Variants in PAK5 observed in about 807,000 individuals in gnomAD.
PAK5 encodes the protein p21 (RAC1) activated kinase 5.
PAK5 carries 16 observed loss-of-function variants against 65.9 expected under a neutral mutation model. The ratio of observed to expected loss-of-function variants is 0.24; its 90% confidence interval spans 0.16 to 0.37. The LOEUF is 0.37. Among genes scored for constraint, PAK5 ranks in the 10% least tolerant of loss-of-function variants. The pLI is 1.00. For missense variants in PAK5, 785 were observed against 903.9 expected (o/e 0.87, Z 1.69); for synonymous variants, 371 against 354.9 (o/e 1.05, Z -0.51).
chr20:9,611,245 G>C (rs1291115845), intron 3 of PAK5, among the ~76,000 whole-genome samples: 1 of 152,178 alleles, frequency 6.6e-6, no homozygotes, highest in Non-Finnish European at 1.5e-5. Flanking sequence ...ATTTTAAGTG[G>C]AGGCAATTGA....
At chr20:9,601,399 C>A (rs1191848571) in intron 3 of PAK5, among the ~76,000 whole-genome samples, 1 of 152,054 alleles carries the variant, frequency 6.6e-6, no homozygotes, top group African/African-American at 2.4e-5. Context: ...CAAGAAAGTT[C>A]CCCTTTATTA....
rs563787747 is a variant in PAK5, at chr20:9,542,456, C to G, written c.2004+130G>C. On this transcript the variant is annotated intron_variant, in intron 9 of 9. Coordinates refer to ENST00000353224, the MANE Select transcript of PAK5 (RefSeq NM_177990.4). ...AGAACAGAGATTCAAACCTAAGTGA[C>G]TATTTCCAAAGTCCATGCTCATAAA... The G allele has an allele frequency of 4.2e-4, 386 of 912,388 alleles. 1 individual carries two copies. The highest frequency in any genetic ancestry group is 6.0e-4 in the Non-Finnish European group (334 of 557,746). The allele number at this position is 912,388 out of a possible 1,614,324, so 56.5% of individuals were successfully genotyped here.
chr20:9,547,044 T>G (rs1289048126), intron 7 of PAK5, among the ~76,000 whole-genome samples: 2 of 152,152 alleles, frequency 1.3e-5, no homozygotes, highest in Non-Finnish European at 2.9e-5. Context: ...GAGGTCATAT[T>G]GGATTGGGGA....
At position 9,593,210 on chromosome 20, in the gene PAK5, C is replaced by T. The variant is rs114783072; in HGVS notation, c.205-12280G>A. 8.7e-3 allele frequency among the ~76,000 whole-genome samples: 1,325 copies of T among 151,744 alleles called. 14 individuals carry two copies. Among genetic ancestry groups the T allele is most frequent in the African/African-American group, 0.029 (1,191 of 41,346 alleles). ...TCCCAGCTATTCAAGAGGCTGAGGT[C>T]GGAGGATCCCTTGAGCCCAGGAGTT... On this transcript the variant is annotated intron_variant, in intron 3 of 9. Transcript: ENST00000353224.
At chr20:9,692,850 T>C (rs2047815677) in intron 2 of PAK5, among the ~76,000 whole-genome samples, 1 of 152,122 alleles carries the variant, frequency 6.6e-6, no homozygotes, top group Non-Finnish European at 1.5e-5. Context: ...CCTGGATTTC[T>C]TCCATCTCCA....
In PAK5 at chr20:9,754,418, G is replaced by A. The variant is rs566544645; in HGVS notation, c.-161-42983C>T. Among the ~76,000 whole-genome samples the A allele has an allele frequency of 2.4e-3, 367 of 152,178 alleles. 2 individuals are homozygous for A. Among genetic ancestry groups the A allele is most frequent in the South Asian group, 0.012 (60 of 4,816 alleles). On this transcript the variant is annotated intron_variant, in intron 1 of 9. Transcript: ENST00000353224. ...CAGGGCATCAAAACTGTCCTCTTCT[G>A]TTGAGTCCATTCCTGGGTGGGGCCA...
chr20:9,757,983 G>A (rs1191453563), intron 1 of PAK5, among the ~76,000 whole-genome samples: 1 of 152,196 alleles, frequency 6.6e-6, no homozygotes, highest in Non-Finnish European at 1.5e-5. Flanking sequence ...AAATATGGAT[G>A]TTTGTTGCTC....
In PAK5 at chr20:9,557,662, TC is replaced by T; in HGVS notation, c.1688del (p.Gly563GlufsTer2). ...CACTTTTTATGTCCCTGTGAATCACTCCTTGGTTATGAAGGTAGGAGAGAGC... is the reference window on the plus strand; with the variant it reads ...CACTTTTTATGTCCCTGTGAATCACTCTTGGTTATGAAGGTAGGAGAGAGC... ...LRALSYLHNQ[G>X]VIHRDIKSDS... On this transcript the variant is annotated frameshift_variant, in exon 7 of 10. Transcript: ENST00000353224. LOFTEE classifies it high-confidence loss of function. 1 of 1,612,142 alleles carries T rather than the reference TC, an allele frequency of 6.2e-7. No homozygotes were observed.
intron 3 of PAK5, among the ~76,000 whole-genome samples, chr20:9,619,241 T>C (rs573809649): frequency 2.6e-4 from 39 of 152,282 alleles, no homozygotes; most frequent in African/African-American, 9.1e-4. Context: ...TTGTTTACTG[T>C]TGTTTTACTT....
intron 1 of PAK5, among the ~76,000 whole-genome samples, chr20:9,748,809 G>T (rs2048539303): frequency 6.6e-6 from 1 of 152,136 alleles, no homozygotes; most frequent in Non-Finnish European, 1.5e-5. Context: ...TAGCCACAGT[G>T]TTATGAGCAC....
intron 1 of PAK5, among the ~76,000 whole-genome samples, chr20:9,738,026 A>G (rs1157003889): frequency 6.6e-6 from 1 of 152,196 alleles, no homozygotes. Flanking sequence ...CTGTAGTCCC[A>G]GCTACTTGGG....
intron 2 of PAK5, among the ~76,000 whole-genome samples, chr20:9,692,340 T>C (rs868826221): frequency 6.6e-6 from 1 of 150,622 alleles, no homozygotes; most frequent in African/African-American, 2.4e-5. Flanking sequence ...ACACCTTCCG[T>C]ATGAAAATGC....
intron 1 of PAK5, among the ~76,000 whole-genome samples, chr20:9,782,541 A>G (rs755520690): frequency 1.4e-4 from 21 of 152,198 alleles, no homozygotes; most frequent in Non-Finnish European, 2.6e-4. Flanking sequence ...TGTGGGTGGC[A>G]GGCAGTGTTT....
chr20:9,720,031 A>G (rs1438661666), intron 1 of PAK5, among the ~76,000 whole-genome samples: 1 of 152,162 alleles, frequency 6.6e-6, no homozygotes, highest in Non-Finnish European at 1.5e-5. Context: ...CTTCACTTCA[A>G]TGAATCTGCA....
intron 1 of PAK5, among the ~76,000 whole-genome samples, chr20:9,750,821 T>C (rs1324632935): frequency 6.6e-6 from 1 of 152,076 alleles, no homozygotes; most frequent in Admixed American, 6.6e-5. Context: ...GTTCCTACCA[T>C]CCCTATGGTC....
At chr20:9,740,832 G>T (rs1259374879) in intron 1 of PAK5, among the ~76,000 whole-genome samples, 1 of 152,220 alleles carries the variant, frequency 6.6e-6, no homozygotes, top group East Asian at 1.9e-4. Flanking sequence ...CTGAGGTTTT[G>T]TAGTTGTTTG....
intron 2 of PAK5, among the ~76,000 whole-genome samples, chr20:9,692,980 T>C (rs2047817966): frequency 6.6e-6 from 1 of 152,178 alleles, no homozygotes; most frequent in African/African-American, 2.4e-5. Context: ...TAAAATAAAG[T>C]ATATAAAGTG....
At chr20:9,611,079 G>A (rs2046550802) in intron 3 of PAK5, among the ~76,000 whole-genome samples, 3 of 152,140 alleles carry the variant, frequency 2.0e-5, no homozygotes, top group Admixed American at 2.0e-4. Flanking sequence ...TTTATTGTTG[G>A]TAAATTTTCC....
chr20:9,574,126 C>T (rs1223548720), intron 4 of PAK5, among the ~76,000 whole-genome samples: 1 of 152,148 alleles, frequency 6.6e-6, no homozygotes, highest in African/African-American at 2.4e-5. Context: ...GAATCATTAA[C>T]TTGCATTCTC....
Sources: gnomAD v4.1 joint callset for allele counts (sites outside exome capture counted in the v4.1 genomes callset) on GRCh38, gnomAD v4.1.1 for gene constraint, MANE v1.5 for transcripts, NCBI Gene and HGNC (gene_info 2026-07-23, HGNC 2026-07-21) for gene names.